DIP2C: variants seen among roughly 807,000 people sequenced by gnomAD.
DIP2C encodes DIP2 acetate--CoA ligase C (putative), also known as disco-interacting protein 2 homolog C.
Under a neutral mutation model 192.4 loss-of-function variants are expected in DIP2C, and 33 were observed. The ratio of observed to expected loss-of-function variants is 0.17; its 90% CI spans 0.13 to 0.23. The LOEUF is 0.23. DIP2C is among the 10% of genes least tolerant of loss of function. The pLI is 1.00. For missense variants in DIP2C, 1,537 were observed against 2,110.1 expected, an observed-to-expected ratio of 0.73 and a Z score of 5.32; for synonymous variants, 979 against 864.1, an observed-to-expected ratio of 1.13 and a Z score of -2.33.
chr10:672,943 A>G (rs1830719398), intron 1 of DIP2C, among the ~76,000 whole-genome samples: 1 of 152,266 alleles, frequency 6.6e-6, no homozygotes, highest in Admixed American at 6.5e-5. Context: ...GGAATTGTAC[A>G]GTGAATACCC....
intron 28 of DIP2C, 139 bp downstream of exon 28, chr10:344,669 TG>T: frequency 1.4e-6 from 1 of 693,054 alleles, no homozygotes; most frequent in Non-Finnish European, 2.5e-6. Context: ...TGTCATACCG[TG>T]AATGAAACAC....
At chr10:534,821 C>T (rs1189588594) in intron 1 of DIP2C, among the ~76,000 whole-genome samples, 2 of 151,850 alleles carry the variant, frequency 1.3e-5, no homozygotes, top group Non-Finnish European at 2.9e-5. Flanking sequence ...GGACTACAGG[C>T]GCCTGCCACC....
chr10:441,308 G>C (rs1589803494), intron 3 of DIP2C: 1 of 290,986 alleles, frequency 3.4e-6, no homozygotes, highest in Admixed American at 4.9e-5. Flanking sequence ...TAGGTCACAC[G>C]TTCGAGCCTC....
In DIP2C at chr10:422,912, G is replaced by A. The variant is rs1966301728; in HGVS notation, c.516C>T (p.Thr172=). 11 of 1,614,032 alleles carry A rather than the reference G, an allele frequency of 6.8e-6. No homozygotes were observed. Among genetic ancestry groups the A allele is most frequent in the Non-Finnish European group, 9.3e-6 (11 of 1,180,050 alleles). The change falls in exon 5 of 37, where the codon ACC becomes ACT. Residue 172 remains threonine, a synonymous_variant. Transcript: ENST00000280886. ...TAGAGGACGAGGAGGTGGTGGACGTGGTGGAGCCGTGGATGGCCTGGCTGA... is the reference window on the plus strand; with the variant it reads ...TAGAGGACGAGGAGGTGGTGGACGTAGTGGAGCCGTGGATGGCCTGGCTGA... ...HWISQAIHGS[T]TSTTSSSSTQ... is the part of the protein sequence containing the mutation.
At chr10:602,165 T>C (rs753114700) in intron 1 of DIP2C, among the ~76,000 whole-genome samples, 1 of 151,938 alleles carries the variant, frequency 6.6e-6, no homozygotes, top group African/African-American at 2.4e-5. Context: ...CACACCAAGG[T>C]TTTTACAGTC....
At chr10:295,798 G>C (rs1955727027) in intron 32 of DIP2C, among the ~76,000 whole-genome samples, 1 of 152,012 alleles carries the variant, frequency 6.6e-6, no homozygotes, top group East Asian at 1.9e-4. Flanking sequence ...CACAAGGTCA[G>C]GAGTTCGAGA....
chr10:549,466 G>A (rs1443219934), intron 1 of DIP2C, among the ~76,000 whole-genome samples: 2 of 152,176 alleles, frequency 1.3e-5, no homozygotes, highest in African/African-American at 2.4e-5. Context: ...TGAGAAGGAA[G>A]ACGAGACCAA....
At chr10:508,755 T>C (rs1845806046) in intron 1 of DIP2C, among the ~76,000 whole-genome samples, 1 of 152,134 alleles carries the variant, frequency 6.6e-6, no homozygotes. Context: ...AAGAAGCCAC[T>C]TAAAGGCAAC....
chr10:650,319 G>A (rs1457258692), intron 1 of DIP2C: 1 of 716,686 alleles, frequency 1.4e-6, no homozygotes, highest in South Asian at 1.5e-5. Context: ...CCGGGGCTGT[G>A]GACCACGCCA....
intron 29 of DIP2C, 42 bp from the exon 30 acceptor site, chr10:329,643 GGCTGGAGCTCAGC>G (rs1210610859): frequency 6.9e-6 from 3 of 436,256 alleles, no homozygotes; most frequent in Non-Finnish European, 1.1e-5. Flanking sequence ...AGCTCAGCAA[GGCTGGAGCTCAGC>G]AAGGCTGGAG....
At chr10:420,794 C>A (rs565266310) in intron 5 of DIP2C, among the ~76,000 whole-genome samples, 2 of 152,298 alleles carry the variant, frequency 1.3e-5, no homozygotes, top group Admixed American at 1.3e-4. Flanking sequence ...CTCTGAGAGA[C>A]TCCGTGACCT....
intron 1 of DIP2C, among the ~76,000 whole-genome samples, chr10:659,070 C>T (rs1856590349): frequency 6.6e-6 from 1 of 152,190 alleles, no homozygotes; most frequent in Non-Finnish European, 1.5e-5. Flanking sequence ...CATACATGCA[C>T]ATACAACACT....
intron 1 of DIP2C, among the ~76,000 whole-genome samples, chr10:517,027 G>A (rs1042077427): frequency 2.0e-5 from 3 of 151,726 alleles, no homozygotes; most frequent in Non-Finnish European, 4.4e-5. Context: ...TCCTCACTGT[G>A]GGGGTTTTTA....
intron 31 of DIP2C, among the ~76,000 whole-genome samples, chr10:318,910 CTTTTTT>C (rs36067497): frequency 6.1e-5 from 9 of 146,684 alleles, no homozygotes; most frequent in Admixed American, 6.1e-4. Context: ...CCACATTTTT[CTTTTTT>C]TTTTTTATAC....
chr10:621,404 A>T (rs555114472), intron 1 of DIP2C, among the ~76,000 whole-genome samples: 1 of 144,192 alleles, frequency 6.9e-6, no homozygotes. Flanking sequence ...TGCACACACT[A>T]TGTGCTCACG....
chr10:357,396 C>G (rs941168580), intron 23 of DIP2C, among the ~76,000 whole-genome samples: 1 of 152,098 alleles, frequency 6.6e-6, no homozygotes, highest in Non-Finnish European at 1.5e-5. Flanking sequence ...GGCTTTGAAT[C>G]CGGGCTGGTG....
intron 1 of DIP2C, among the ~76,000 whole-genome samples, chr10:579,752 TG>T (rs1850468741): frequency 6.6e-6 from 1 of 152,024 alleles, no homozygotes; most frequent in Non-Finnish European, 1.5e-5. Context: ...TACACTATAA[TG>T]TATGTACATG....
At chr10:424,367 T>G (rs1966431798) in intron 4 of DIP2C, among the ~76,000 whole-genome samples, 1 of 141,626 alleles carries the variant, frequency 7.1e-6, no homozygotes, top group African/African-American at 2.6e-5. Flanking sequence ...TTTTTTTTTT[T>G]TTTTTTTTTT....
intron 1 of DIP2C, among the ~76,000 whole-genome samples, chr10:646,152 G>C (rs771950199): frequency 5.9e-5 from 9 of 152,278 alleles, no homozygotes; most frequent in Non-Finnish European, 8.8e-5. Flanking sequence ...ACGCATGCTC[G>C]AGGCCTCCAC....
Sources: allele counts gnomAD v4.1 joint callset (sites outside exome capture counted in the v4.1 genomes callset), GRCh38; gene constraint gnomAD v4.1.1; transcripts MANE v1.5; gene names NCBI Gene and HGNC (gene_info 2026-07-23, HGNC 2026-07-21).